Variants in EHD3 observed in about 807,000 individuals in gnomAD.
The protein encoded by EHD3 is EH domain containing 3.
EHD3 carries 17 observed loss-of-function variants against 43.0 expected under a neutral mutation model. The observed-to-expected ratio is 0.40, with a 90% confidence interval of 0.27 to 0.59. EHD3 has a LOEUF of 0.59. Among genes scored for constraint, EHD3 ranks in the 20% least tolerant of loss-of-function variants. The pLI, the probability that EHD3 is intolerant of heterozygous loss-of-function variation, is 0.49. For synonymous variants in EHD3, 313 were observed against 289.5 expected, an observed-to-expected ratio of 1.08 and a Z score of -0.82; for missense variants, 594 against 705.6, an observed-to-expected ratio of 0.84 and a Z score of 1.79.
Position 31,260,670 on chromosome 2 carries a change from T to A in EHD3, c.663T>A (p.Ala221=). ...AGATGCGAGTGGTGCTGAACAAAGC[T>A]GACCAGATCGAGACGCAGCAGCTGA... is the stretch of plus-strand genomic sequence containing the variant. ...EDKMRVVLNK[A]DQIETQQLMR... The change falls in exon 4 of 6, where the codon GCT becomes GCA. Residue 221 remains alanine, a synonymous_variant. Transcript: ENST00000322054. The surrounding 1 kb of genome is among the most constrained non-coding windows in gnomAD (Gnocchi z 4.6). 1 of 1,614,224 alleles carries A rather than the reference T, an allele frequency of 6.2e-7. No individual in the cohort carries two copies. The highest frequency in any genetic ancestry group is 1.1e-5 in the South Asian group (1 of 91,086).
Position 31,260,458 on chromosome 2 carries a change from C to G in EHD3, c.503-52C>G. On this transcript the variant is annotated intron_variant, in intron 3 of 5. Coordinates refer to ENST00000322054, the MANE Select transcript of EHD3 (RefSeq NM_014600.3). The surrounding 1 kb of genome is among the most constrained non-coding windows in gnomAD (Gnocchi z 4.6). The stretch of plus-strand genomic sequence containing the variant: ...ACCACACCCGACTGCTTCTCCAAAC[C>G]CCTACCCTATACCCCAAAGGCCCCA... 2 of 1,537,738 alleles carry G rather than the reference C, an allele frequency of 1.3e-6. No homozygotes were observed. Among genetic ancestry groups the G allele is most frequent in the South Asian group, 2.5e-5 (2 of 79,160 alleles).
intron 2 of EHD3, among the ~76,000 whole-genome samples, chr2:31,247,179 G>T (rs1683539010): frequency 6.6e-6 from 1 of 152,190 alleles, no homozygotes; most frequent in African/African-American, 2.4e-5. Context: ...TTACAGGTGT[G>T]AGCCTGTAAC....
At chr2:31,247,172 C>T (rs1683538902) in intron 2 of EHD3, among the ~76,000 whole-genome samples, 1 of 152,188 alleles carries the variant, frequency 6.6e-6, no homozygotes, top group South Asian at 2.1e-4. Flanking sequence ...GCTGGGTTTA[C>T]AGGTGTGAGC....
chr2:31,254,455 C>T (rs556769854), intron 3 of EHD3, among the ~76,000 whole-genome samples: 3 of 152,354 alleles, frequency 2.0e-5, no homozygotes, highest in Admixed American at 6.5e-5. Context: ...AGTCCTGACG[C>T]CCTTCAAAAG....
In EHD3 at chr2:31,234,602, G is replaced by C. The variant is rs373567800; in HGVS notation, c.-20G>C. 4 of 1,611,918 alleles carry C rather than the reference G, an allele frequency of 2.5e-6. No individual in the cohort carries two copies. The highest frequency in any genetic ancestry group is 3.4e-6 in the Non-Finnish European group (4 of 1,179,212). ...GAGTCTTCCCCTGGGGCTGCGTGCC[G>C]GGGGCGAGCGGCGGCCGCGATGTTC... On this transcript the variant is annotated 5_prime_UTR_variant, in exon 1 of 6. Transcript: ENST00000322054.
chr2:31,234,467 C>G lies in EHD3; in HGVS notation c.-155C>G. 1 of 802,766 alleles carries G rather than the reference C, an allele frequency of 1.2e-6. No homozygotes were observed. The highest frequency in any genetic ancestry group is 1.9e-6 in the Non-Finnish European group (1 of 516,914). 49.7% of individuals were successfully genotyped at this position (802,766 alleles called of 1,614,324 possible). On this transcript the variant is annotated 5_prime_UTR_variant, in exon 1 of 6. Coordinates refer to ENST00000322054, the MANE Select transcript of EHD3 (RefSeq NM_014600.3). ...GCAGGGAGAGTGCGCTCCCGGCCCT[C>G]CTAGCCGCGTGCCCGGGCCATGGTG...
intron 1 of EHD3, among the ~76,000 whole-genome samples, chr2:31,241,526 G>C (rs1417818411): frequency 6.6e-6 from 1 of 152,198 alleles, no homozygotes; most frequent in Non-Finnish European, 1.5e-5. Flanking sequence ...AACTCCCTGT[G>C]AGATAGGTTT....
At chr2:31,234,933 G>C (rs1457499519) in intron 1 of EHD3, 85 bp downstream of exon 1, 13 of 1,282,694 alleles carry the variant, frequency 1.0e-5, no homozygotes, top group Non-Finnish European at 1.3e-5. Flanking sequence ...ATCCCAGACA[G>C]GGGACCAATG....
chr2:31,258,449 T>C (rs1020360611), intron 3 of EHD3, among the ~76,000 whole-genome samples: 7 of 152,028 alleles, frequency 4.6e-5, no homozygotes, highest in Non-Finnish European at 8.8e-5. Context: ...TTCATCCTCA[T>C]CCCCCACCCC....
intron 1 of EHD3, among the ~76,000 whole-genome samples, chr2:31,238,952 G>A (rs1683371085): frequency 6.6e-6 from 1 of 152,080 alleles, no homozygotes; most frequent in Non-Finnish European, 1.5e-5. Context: ...AGGGTTGCAC[G>A]GACCTTCTAT....
At chr2:31,236,178 A>G (rs995583506) in intron 1 of EHD3, among the ~76,000 whole-genome samples, 1 of 152,216 alleles carries the variant, frequency 6.6e-6, no homozygotes, top group Non-Finnish European at 1.5e-5. Flanking sequence ...GCACCATGCT[A>G]ATAGGTCATG....
Position 31,266,021 on chromosome 2 carries a change from C to A in EHD3, c.1081-156C>A, listed in dbSNP as rs767180255. On this transcript the variant is annotated intron_variant, in intron 5 of 5. Coordinates refer to ENST00000322054, the MANE Select transcript of EHD3 (RefSeq NM_014600.3). This position sits in a 1 kb window ranked among gnomAD's most constrained non-coding sequence, Gnocchi z 5.1. ...CCTCCTCTCTCATACCTTCGATTAC[C>A]ACGTGATGTCCATCAGCTGAGCCTC... Among the ~76,000 whole-genome samples the A allele has an allele frequency of 3.3e-4, 50 of 152,182 alleles. No homozygotes were observed. Among genetic ancestry groups the A allele is most frequent in the Non-Finnish European group, 7.1e-4 (48 of 68,042 alleles).
chr2:31,243,610 C>T (rs1426356361), intron 1 of EHD3, among the ~76,000 whole-genome samples: 1 of 151,726 alleles, frequency 6.6e-6, no homozygotes, highest in Non-Finnish European at 1.5e-5. Context: ...GCACCTGCCA[C>T]CATGCCCAGC....
chr2:31,260,683 A>G lies in EHD3; in HGVS notation c.676A>G (p.Thr226Ala). The G allele has an allele frequency of 6.2e-7, 1 of 1,614,190 alleles. No homozygotes were observed. The highest frequency in any genetic ancestry group is 8.5e-7 in the Non-Finnish European group (1 of 1,180,028). ...VVLNKADQIE[T>A]QQLMRVYGAL... is the part of the protein sequence containing the mutation. ...GCTGAACAAAGCTGACCAGATCGAG[A>G]CGCAGCAGCTGATGCGGGTGTACGG... The change falls in exon 4 of 6, where the codon ACG becomes GCG. Residue 226 changes from threonine (T) to alanine (A), a missense_variant. Thr to Ala is a moderately conservative substitution (Grantham distance 58). Coordinates refer to ENST00000322054, the MANE Select transcript of EHD3 (RefSeq NM_014600.3). The surrounding 1 kb of genome is among the most constrained non-coding windows in gnomAD (Gnocchi z 4.6).
chr2:31,244,532 TCTTGGGATG>T, intron 2 of EHD3, 82 bp downstream of exon 2: 1 of 1,460,800 alleles, frequency 6.8e-7, no homozygotes, highest in Non-Finnish European at 9.3e-7. Flanking sequence ...GTAGGCAGGG[TCTTGGGATG>T]CTTGGTGCCT....
At chr2:31,253,691 C>G (rs1365233686) in intron 3 of EHD3, among the ~76,000 whole-genome samples, 1 of 152,108 alleles carries the variant, frequency 6.6e-6, no homozygotes, top group African/African-American at 2.4e-5. Flanking sequence ...AAAGGGTCGT[C>G]CTTGCTCAGG....
chr2:31,251,435 A>C (rs1057132027), intron 3 of EHD3, among the ~76,000 whole-genome samples: 1 of 152,036 alleles, frequency 6.6e-6, no homozygotes, highest in East Asian at 1.9e-4. Flanking sequence ...GGTGGGAGGG[A>C]GTGGGGAGGC....
intron 3 of EHD3, among the ~76,000 whole-genome samples, chr2:31,250,108 C>T (rs1284215352): frequency 0.012 from 5 of 428 alleles, no homozygotes; most frequent in Non-Finnish European, 0.017. Context: ...TGGTGTGGGG[C>T]GGTGGGGGCG....
intron 3 of EHD3, among the ~76,000 whole-genome samples, chr2:31,253,138 A>G (rs1264815297): frequency 3.8e-5 from 1 of 26,378 alleles, no homozygotes; most frequent in African/African-American, 1.5e-4. Context: ...TCCCCCACCC[A>G]TACCTCCTTT....
Sources: allele counts gnomAD v4.1 joint callset (sites outside exome capture counted in the v4.1 genomes callset), GRCh38; gene constraint gnomAD v4.1.1; non-coding constraint Gnocchi (gnomAD v3.1); transcripts MANE v1.5; gene names NCBI Gene and HGNC (gene_info 2026-07-23, HGNC 2026-07-21).